C8orf90: variants seen among roughly 807,000 people sequenced by gnomAD.
C8orf90 encodes chromosome 8 open reading frame 90.
the C8orf90 span, chr8:141,518,163 C>T: frequency 3.8e-6 from 2 of 531,232 alleles, no homozygotes; most frequent in East Asian, 3.5e-5. Context: ...CTGCGCGGGC[C>T]GCTCCCGGCC....
chr8:141,516,405 A>G, the C8orf90 span, among the ~76,000 whole-genome samples: 1 of 152,180 alleles, frequency 6.6e-6, no homozygotes, highest in East Asian at 1.9e-4. Context: ...GCTTCACTAA[A>G]GCAGCTCTAG....
chr8:141,518,197 C>G, the C8orf90 span: 4 of 564,958 alleles, frequency 7.1e-6, no homozygotes, highest in Non-Finnish European at 1.2e-5. Flanking sequence ...CGGGCGTTCA[C>G]TGTCCCCTCC....
chr8:141,518,471 C>G, the C8orf90 span: 1 of 648,740 alleles, frequency 1.5e-6, no homozygotes, highest in East Asian at 3.2e-5. Flanking sequence ...CTGCGCGGCC[C>G]CGGAGCTTCG....
chr8:141,518,191 CGTTCACT>C, the C8orf90 span: 3 of 546,436 alleles, frequency 5.5e-6, no homozygotes, highest in Non-Finnish European at 6.4e-6. Context: ...CCCTGCCGGG[CGTTCACT>C]GTCCCCTCCG....
the C8orf90 span, among the ~76,000 whole-genome samples, chr8:141,515,855 C>T: frequency 5.3e-5 from 8 of 152,340 alleles, no homozygotes; most frequent in South Asian, 6.2e-4. Context: ...GCAAGGAGGC[C>T]GGCTCCGCTG....
the C8orf90 span, among the ~76,000 whole-genome samples, chr8:141,517,914 C>A: frequency 6.6e-6 from 1 of 152,226 alleles, no homozygotes; most frequent in Non-Finnish European, 1.5e-5. Flanking sequence ...CCAAAGTCTG[C>A]AGCCTCCTCG....
the C8orf90 span, chr8:141,514,842 A>G: frequency 2.9e-6 from 2 of 683,350 alleles, no homozygotes; most frequent in Non-Finnish European, 5.3e-6. Context: ...GGGAGCAGGA[A>G]GCGGCCCTCT....
chr8:141,518,158 C>T, the C8orf90 span: 1 of 528,910 alleles, frequency 1.9e-6, no homozygotes, highest in Non-Finnish European at 3.3e-6. Flanking sequence ...CCCGCCTGCG[C>T]GGGCCGCTCC....
chr8:141,515,543 T>C, the C8orf90 span, among the ~76,000 whole-genome samples: 154 of 151,904 alleles, frequency 1.0e-3, 4 homozygotes, highest in East Asian at 0.023. Flanking sequence ...CGACAAACTG[T>C]ACCCAAACTG....
At chr8:141,516,782 C>T in the C8orf90 span, among the ~76,000 whole-genome samples, 1 of 152,202 alleles carries the variant, frequency 6.6e-6, no homozygotes, top group African/African-American at 2.4e-5. Context: ...CTCTTATCCC[C>T]AGCATGGCGC....
the C8orf90 span, chr8:141,514,742 C>A: frequency 1.4e-6 from 1 of 701,434 alleles, no homozygotes; most frequent in Non-Finnish European, 2.6e-6. Context: ...AGGTCTGCCC[C>A]CTCCTTCTGT....
chr8:141,515,404 A>G, the C8orf90 span, among the ~76,000 whole-genome samples: 7 of 146,972 alleles, frequency 4.8e-5, no homozygotes, highest in Non-Finnish European at 7.5e-5. Flanking sequence ...CTCATGGTCA[A>G]TGCCTTCACT....
the C8orf90 span, chr8:141,518,347 G>A: frequency 1.5e-6 from 1 of 675,270 alleles, no homozygotes; most frequent in East Asian, 3.0e-5. Flanking sequence ...CGCCATCCGC[G>A]TGCTCACCGA....
the C8orf90 span, among the ~76,000 whole-genome samples, chr8:141,517,786 C>T: frequency 5.9e-5 from 9 of 152,170 alleles, no homozygotes; most frequent in East Asian, 1.9e-4. Context: ...CTCTGCACAG[C>T]GGCCGGATCA....
the C8orf90 span, chr8:141,518,311 C>G: frequency 3.0e-6 from 2 of 669,062 alleles, no homozygotes; most frequent in South Asian, 3.1e-5. Flanking sequence ...GCGCGCCTAC[C>G]GCGCGCTGGG....
the C8orf90 span, among the ~76,000 whole-genome samples, chr8:141,517,340 A>ATCCCCAGAC: frequency 2.0e-5 from 3 of 152,064 alleles, no homozygotes; most frequent in South Asian, 4.1e-4. Context: ...CTGTGTGCCC[A>ATCCCCAGAC]AGTGAGGTCC....
chr8:141,517,501 G>A, the C8orf90 span, among the ~76,000 whole-genome samples: 1 of 152,198 alleles, frequency 6.6e-6, no homozygotes, highest in Non-Finnish European at 1.5e-5. Flanking sequence ...GTGCCTTCTG[G>A]GGACCACGGA....
the C8orf90 span, chr8:141,518,513 C>T: frequency 3.4e-6 from 2 of 595,746 alleles, no homozygotes; most frequent in South Asian, 3.7e-5. Flanking sequence ...CTGCACGCCA[C>T]GGCCCAGGCA....
chr8:141,518,549 G>T, the C8orf90 span: 1 of 509,490 alleles, frequency 2.0e-6, no homozygotes, highest in Non-Finnish European at 3.4e-6. Context: ...CGCCTGGAGC[G>T]GCTGGCCCTG....
Sources: gnomAD v4.1 joint callset for allele counts (sites outside exome capture counted in the v4.1 genomes callset) on GRCh38, gnomAD v4.1.1 for gene constraint, MANE v1.5 for transcripts, NCBI Gene and HGNC (gene_info 2026-07-23, HGNC 2026-07-21) for gene names.